MYO16: variants seen among roughly 807,000 people sequenced by gnomAD.
MYO16 encodes the protein unconventional myosin-XVI.
In MYO16, 94 loss-of-function variants were observed where a neutral mutation model predicts 205.3. The observed-to-expected ratio is 0.46, with a 90% CI of 0.39 to 0.54. The LOEUF is 0.54. Among genes scored for constraint, MYO16 ranks in the 20% least tolerant of loss-of-function variants. The pLI, the probability that MYO16 is intolerant of heterozygous loss-of-function variation, is 0.00. For missense variants in MYO16, 2,315 were observed against 2,387.5 expected, an observed-to-expected ratio of 0.97 and a Z score of 0.63; for synonymous variants, 988 against 954.0, an observed-to-expected ratio of 1.04 and a Z score of -0.66.
At chr13:108,544,851 A>G in the MYO16 span, among the ~76,000 whole-genome samples, 3 of 152,152 alleles carry the variant, frequency 2.0e-5, no homozygotes, top group Non-Finnish European at 4.4e-5. Context: ...CATGCCATGC[A>G]ATGTTCGTCT....
chr13:108,835,090 T>TG (rs67053785), intron 9 of MYO16, among the ~76,000 whole-genome samples: 54 of 24,622 alleles, frequency 2.2e-3, no homozygotes, highest in Admixed American at 5.7e-3. Flanking sequence ...TACTTAGAAT[T>TG]TTTTTTTTCT....
the MYO16 span, among the ~76,000 whole-genome samples, chr13:108,591,057 T>G: frequency 6.6e-6 from 1 of 152,182 alleles, no homozygotes. Flanking sequence ...GAGTAGGTCA[T>G]GGATGGGCTG....
chr13:108,521,208 A>G, the MYO16 span, among the ~76,000 whole-genome samples: 1 of 152,222 alleles, frequency 6.6e-6, no homozygotes, highest in African/African-American at 2.4e-5. Flanking sequence ...CAGGAGGGGG[A>G]GACAACAGAA....
chr13:108,727,949 C>CT (rs367672465), intron 4 of MYO16, among the ~76,000 whole-genome samples: 10 of 151,216 alleles, frequency 6.6e-5, no homozygotes, highest in Admixed American at 2.6e-4. Context: ...TATATTGAAT[C>CT]TTTTTTTTTC....
intron 20 of MYO16, among the ~76,000 whole-genome samples, chr13:108,982,579 A>G (rs1243070822): frequency 6.6e-6 from 1 of 152,146 alleles, no homozygotes; most frequent in Non-Finnish European, 1.5e-5. Context: ...ATATACAGTA[A>G]TTTTATCTTT....
intron 23 of MYO16, among the ~76,000 whole-genome samples, chr13:109,030,083 G>A (rs1886500413): frequency 6.6e-6 from 1 of 151,388 alleles, no homozygotes; most frequent in Admixed American, 6.6e-5. Context: ...TATCTAGATG[G>A]GACTCTTAAC....
In MYO16 at chr13:108,971,183, T is replaced by C. The variant is rs1004556191; in HGVS notation, c.2369+6281T>C. On this transcript the variant is annotated intron_variant, in intron 20 of 34. Transcript: ENST00000457511. ...AAATTCAATGTTAAATTTAAAATTA[T>C]TGTTTTTCCTCATTTGAATCCTTCT... is the stretch of plus-strand genomic sequence containing the variant. Among the ~76,000 whole-genome samples the C allele has an allele frequency of 2.0e-5, 3 of 152,094 alleles. No homozygotes were observed. The East Asian group carries it at 5.8e-4, about 29-fold the overall frequency.
chr13:108,887,876 C>T (rs190979566), intron 13 of MYO16, among the ~76,000 whole-genome samples: 2 of 152,082 alleles, frequency 1.3e-5, no homozygotes, highest in Admixed American at 6.6e-5. Context: ...TAACGTCTCT[C>T]CTGTAAGGCC....
At chr13:109,009,165 T>C in intron 22 of MYO16, 116 bp downstream of exon 22, 1 of 817,694 alleles carries the variant, frequency 1.2e-6, no homozygotes, top group Non-Finnish European at 1.8e-6. Context: ...TGTGAGATTC[T>C]GCAATAATTT....
chr13:108,940,366 G>A (rs972988516), intron 16 of MYO16, among the ~76,000 whole-genome samples: 1 of 152,032 alleles, frequency 6.6e-6, no homozygotes, highest in Non-Finnish European at 1.5e-5. Flanking sequence ...TCCCTGTCAC[G>A]CTTCTGTGAC....
At chr13:108,669,762 T>C (rs1881902091) in intron 2 of MYO16, among the ~76,000 whole-genome samples, 1 of 152,200 alleles carries the variant, frequency 6.6e-6, no homozygotes, top group African/African-American at 2.4e-5. Context: ...AATGAGTTCA[T>C]GTCCTTTGCA....
intron 4 of MYO16, among the ~76,000 whole-genome samples, chr13:108,752,080 C>T (rs1885254493): frequency 6.6e-6 from 1 of 152,100 alleles, no homozygotes; most frequent in Non-Finnish European, 1.5e-5. Flanking sequence ...GAATTGAGGA[C>T]ACTGGTATGA....
At chr13:109,098,379 T>C (rs1888844017) in intron 27 of MYO16, among the ~76,000 whole-genome samples, 1 of 152,220 alleles carries the variant, frequency 6.6e-6, no homozygotes, top group Non-Finnish European at 1.5e-5. Context: ...TGGATAGCAT[T>C]TTCTGCATCC....
At chr13:108,894,026 G>A (rs945309570) in intron 14 of MYO16, among the ~76,000 whole-genome samples, 1 of 152,136 alleles carries the variant, frequency 6.6e-6, no homozygotes, top group Admixed American at 6.5e-5. Flanking sequence ...GTTCTGCATG[G>A]CTGGGGAAGC....
intron 10 of MYO16, among the ~76,000 whole-genome samples, chr13:108,852,774 C>T (rs1408332830): frequency 6.6e-6 from 1 of 152,114 alleles, no homozygotes; most frequent in African/African-American, 2.4e-5. Context: ...AGAGGAGGCA[C>T]TGGGCCAAAT....
intron 16 of MYO16, among the ~76,000 whole-genome samples, chr13:108,918,625 A>T (rs969955116): frequency 1.2e-4 from 19 of 152,132 alleles, no homozygotes; most frequent in Non-Finnish European, 2.9e-5. Flanking sequence ...GTCCTTGAGG[A>T]GGTGACGGCC....
chr13:108,556,942 T>C, the MYO16 span, among the ~76,000 whole-genome samples: 1 of 152,186 alleles, frequency 6.6e-6, no homozygotes. Flanking sequence ...AATTGACTGT[T>C]ATTGTGTGGA....
At chr13:108,639,526 T>C (rs1199535126) in intron 1 of MYO16, among the ~76,000 whole-genome samples, 2 of 152,212 alleles carry the variant, frequency 1.3e-5, no homozygotes, top group Non-Finnish European at 2.9e-5. Context: ...ACTGAATCTA[T>C]GCTCTTCCTT....
At chr13:109,197,004 C>T (rs1256038306) in intron 34 of MYO16, among the ~76,000 whole-genome samples, 2 of 152,022 alleles carry the variant, frequency 1.3e-5, no homozygotes, top group Non-Finnish European at 2.9e-5. Context: ...CAATTTTTTC[C>T]GTGCCATCCC....
Sources: allele counts gnomAD v4.1 joint callset (sites outside exome capture counted in the v4.1 genomes callset), GRCh38; gene constraint gnomAD v4.1.1; transcripts MANE v1.5; gene names NCBI Gene and HGNC (gene_info 2026-07-23, HGNC 2026-07-21).